Variants in MBD2 observed in about 807,000 individuals in gnomAD.
MBD2 encodes methyl-CpG binding domain protein 2, also known as methyl-CpG-binding domain protein 2.
MBD2 carries 9 observed loss-of-function variants against 39.3 expected under a neutral mutation model. The observed-to-expected ratio is 0.23, with a 90% CI of 0.14 to 0.40. The LOEUF is 0.40. Among genes scored for constraint, MBD2 ranks in the 10% least tolerant of loss-of-function variants. The pLI is 1.00. For missense variants in MBD2, 458 were observed against 532.6 expected, an observed-to-expected ratio of 0.86 and a Z score of 1.38; for synonymous variants, 233 against 211.1, an observed-to-expected ratio of 1.10 and a Z score of -0.90.
intron 3 of MBD2, among the ~76,000 whole-genome samples, chr18:54,186,904 G>A (rs1275252978): frequency 2.0e-5 from 3 of 152,090 alleles, no homozygotes; most frequent in Admixed American, 6.5e-5. Context: ...TTTGCTCTTT[G>A]GACACATACC....
At chr18:54,222,043 A>G (rs555268509) in intron 1 of MBD2, among the ~76,000 whole-genome samples, 2 of 152,350 alleles carry the variant, frequency 1.3e-5, no homozygotes, top group East Asian at 3.9e-4. Context: ...CTAGTCATCT[A>G]TTCCTCAAGG....
intron 1 of MBD2, among the ~76,000 whole-genome samples, chr18:54,216,960 A>G (rs1207675889): frequency 2.0e-5 from 3 of 152,152 alleles, no homozygotes; most frequent in Non-Finnish European, 4.4e-5. Context: ...TGGTTGACAC[A>G]TGCCTGTAAT....
chr18:54,209,960 G>T (rs1568092616), intron 1 of MBD2, among the ~76,000 whole-genome samples: 2 of 152,118 alleles, frequency 1.3e-5, no homozygotes, highest in Admixed American at 1.3e-4. Context: ...TATTTTAAAA[G>T]CATCAATTTG....
chr18:54,157,202 C>T (rs1340566339), intron 6 of MBD2, among the ~76,000 whole-genome samples: 1 of 152,078 alleles, frequency 6.6e-6, no homozygotes, highest in Non-Finnish European at 1.5e-5. Flanking sequence ...AACACAGCAT[C>T]TTCATGTCTT....
At chr18:54,222,493 C>G in intron 1 of MBD2, 1 of 363,560 alleles carries the variant, frequency 2.8e-6, no homozygotes, top group Non-Finnish European at 5.5e-6. Flanking sequence ...TCTTTTTTTT[C>G]TTTAAAGAGA....
At chr18:54,192,302 G>C (rs2086325810) in intron 2 of MBD2, among the ~76,000 whole-genome samples, 1 of 152,110 alleles carries the variant, frequency 6.6e-6, no homozygotes, top group Non-Finnish European at 1.5e-5. Flanking sequence ...GCGCGATCTT[G>C]GCTCACTGCA....
In MBD2 at chr18:54,160,805, A is replaced by G. The variant is rs182307915; in HGVS notation, c.1110-902T>C. Among the ~76,000 whole-genome samples the G allele has an allele frequency of 9.2e-5, 14 of 152,130 alleles. No homozygotes were observed. The East Asian group carries it at 2.5e-3, about 27-fold the overall frequency. ...GAAGAAAGACAAGAGAAGAGAGAAG[A>G]CTGGTAGGAAAAGATTCCAGTGGGA... On this transcript the variant is annotated intron_variant, in intron 5 of 6. Coordinates refer to ENST00000256429, the MANE Select transcript of MBD2 (RefSeq NM_003927.5).
chr18:54,166,087 T>C lies in MBD2; in HGVS notation c.920A>G (p.Lys307Arg), dbSNP rs746814558. The stretch of plus-strand genomic sequence containing the variant: ...AACTTAGATAATACCTTGAAGACCT[T>C]TGGGTAGTTCCATGGTTTTTATAAT... ...EQIIKTMELP[K>R]GLQGVGPGSN... Residue 307 changes from lysine (K) to arginine (R), a missense_variant, in exon 4 of 7, where the codon AAA (lysine) becomes AGA (arginine). This residue lies in a region of MBD2 where 189 missense variants were observed against 296.6 expected (regional missense o/e 0.64). Coordinates refer to ENST00000256429, the MANE Select transcript of MBD2 (RefSeq NM_003927.5). 5.0e-6 allele frequency: 8 copies of C among 1,610,770 alleles called. No homozygotes were observed. Among genetic ancestry groups the C allele is most frequent in the South Asian group, 2.2e-5 (2 of 90,946 alleles).
At chr18:54,194,744 C>T (rs1321118996) in intron 2 of MBD2, among the ~76,000 whole-genome samples, 2 of 151,896 alleles carry the variant, frequency 1.3e-5, no homozygotes, top group Non-Finnish European at 2.9e-5. Flanking sequence ...GAATTTTATT[C>T]CACGCCATTC....
At chr18:54,210,866 ATTTT>A (rs74180457) in intron 1 of MBD2, among the ~76,000 whole-genome samples, 49 of 99,352 alleles carry the variant, frequency 4.9e-4, no homozygotes, top group South Asian at 1.0e-3. Context: ...TCAACTTTCT[ATTTT>A]TTTTTTTTTT....
intron 4 of MBD2, 47 bp from the exon 5 acceptor site, chr18:54,164,747 T>C: frequency 6.7e-7 from 1 of 1,499,240 alleles, no homozygotes; most frequent in Admixed American, 1.7e-5. Flanking sequence ...CTCAATGTGC[T>C]GAGCAAACTT....
chr18:54,162,779 A>C (rs2086106252), intron 5 of MBD2, among the ~76,000 whole-genome samples: 2 of 152,152 alleles, frequency 1.3e-5, no homozygotes, highest in African/African-American at 2.4e-5. Context: ...TTGTTTTCTT[A>C]AAAAATAAAG....
chr18:54,158,516 G>A (rs1175520542), intron 6 of MBD2, among the ~76,000 whole-genome samples: 1 of 152,182 alleles, frequency 6.6e-6, no homozygotes, highest in Non-Finnish European at 1.5e-5. Flanking sequence ...GAAGCAAGAC[G>A]TCACAGAAAG....
At chr18:54,179,398 C>A (rs1386721984) in intron 3 of MBD2, among the ~76,000 whole-genome samples, 1 of 152,024 alleles carries the variant, frequency 6.6e-6, no homozygotes, top group African/African-American at 2.4e-5. Context: ...GCTTGAGAAG[C>A]AAATTACAAG....
chr18:54,209,168 C>G (rs2086478530), intron 1 of MBD2, among the ~76,000 whole-genome samples: 1 of 151,902 alleles, frequency 6.6e-6, no homozygotes, highest in Non-Finnish European at 1.5e-5. Context: ...TGGCGGCGTG[C>G]GCCCGTAATC....
intron 2 of MBD2, chr18:54,202,921 C>T (rs1374715725): frequency 9.4e-7 from 1 of 1,064,552 alleles, no homozygotes; most frequent in Non-Finnish European, 1.5e-6. Context: ...TTGGTTCTGC[C>T]TGGAGTATGC....
At chr18:54,157,966 G>A (rs978772894) in intron 6 of MBD2, among the ~76,000 whole-genome samples, 6 of 151,952 alleles carry the variant, frequency 3.9e-5, no homozygotes, top group Admixed American at 2.6e-4. Flanking sequence ...CATCTCTTGC[G>A]AGACTACCGC....
At chr18:54,219,902 G>A (rs529571540) in intron 1 of MBD2, among the ~76,000 whole-genome samples, 3 of 152,330 alleles carry the variant, frequency 2.0e-5, no homozygotes, top group East Asian at 1.9e-4. Context: ...CTGGGTTCAC[G>A]CCATTCTCCT....
At chr18:54,215,292 T>C (rs995799808) in intron 1 of MBD2, among the ~76,000 whole-genome samples, 4 of 152,224 alleles carry the variant, frequency 2.6e-5, no homozygotes, top group South Asian at 2.1e-4. Context: ...GGTAAGTTTA[T>C]GTGACTCAGG....
Sources: gnomAD v4.1 joint callset for allele counts (sites outside exome capture counted in the v4.1 genomes callset) on GRCh38, gnomAD v4.1.1 for gene constraint, gnomAD v4.1.1 regional missense constraint, MANE v1.5 for transcripts, NCBI Gene and HGNC (gene_info 2026-07-23, HGNC 2026-07-21) for gene names.